Variants in DSCAML1 observed in about 807,000 individuals in gnomAD.
DSCAML1 encodes cell adhesion molecule DSCAML1.
DSCAML1 carries 38 observed loss-of-function variants against 200.5 expected under a neutral mutation model. The observed-to-expected ratio is 0.19, with a 90% CI of 0.15 to 0.25. The LOEUF (loss-of-function observed/expected upper bound fraction) is 0.25. Among genes scored for constraint, DSCAML1 ranks in the 10% least tolerant of loss-of-function variants. The pLI is 1.00. For synonymous variants in DSCAML1, 1,215 were observed against 1,165.0 expected (o/e 1.04, Z -0.87); for missense variants, 2,223 against 2,858.8 (o/e 0.78, Z 5.07).
chr11:117,589,610 T>C (rs1410203982), intron 3 of DSCAML1, among the ~76,000 whole-genome samples: 1 of 152,208 alleles, frequency 6.6e-6, no homozygotes, highest in East Asian at 1.9e-4. Flanking sequence ...CTTATTACAA[T>C]GGCCAGGCTT....
chr11:117,747,588 T>C (rs775713944), intron 3 of DSCAML1, among the ~76,000 whole-genome samples: 4 of 152,086 alleles, frequency 2.6e-5, no homozygotes, highest in Non-Finnish European at 2.9e-5. Flanking sequence ...TCCTCCTGAG[T>C]GACACAAAGG....
chr11:117,552,321 A>T (rs1429480010), intron 3 of DSCAML1, among the ~76,000 whole-genome samples: 2 of 151,626 alleles, frequency 1.3e-5, no homozygotes, highest in Non-Finnish European at 2.9e-5. Flanking sequence ...TCTCCTATGG[A>T]GCAAATAGAA....
rs190398409 is a variant in DSCAML1 at position 117,804,147 on chromosome 11, C to T, written c.-250+13243G>A. On this transcript the variant is annotated intron_variant, in intron 1 of 2. Coordinates refer to the DSCAML1 transcript ENST00000525836. ...CCTGCTGGAGGCCAAAGCCACGGCT[C>T]CTGGGGTGCCCCAGTGGTGAGTGGG... Among the ~76,000 whole-genome samples the T allele has an allele frequency of 2.3e-3, 354 of 152,336 alleles. 1 individual carries two copies. The highest frequency in any genetic ancestry group is 8.0e-3 in the African/African-American group (331 of 41,574).
At position 117,505,817 on chromosome 11, in the gene DSCAML1, C is replaced by T. The variant is rs1592676278; in HGVS notation, c.1784-85G>A. ...GCCGCCTCACCTGCCTTACCTGGGG[C>T]TCTGGGTTGGGCCTTGAACAAAGAT... On this transcript the variant is annotated intron_variant, in intron 8 of 32. Coordinates refer to ENST00000651296, the MANE Select transcript of DSCAML1 (RefSeq NM_020693.4). This position sits in a 1 kb window ranked among gnomAD's most constrained non-coding sequence, Gnocchi z 6.7. 1 of 1,496,990 alleles carries T rather than the reference C, an allele frequency of 6.7e-7. No homozygotes were observed. The highest frequency in any genetic ancestry group is 2.4e-5 in the East Asian group (1 of 42,360). The allele number at this position is 1,496,990 out of a possible 1,614,324, so 92.7% of individuals were successfully genotyped here.
At chr11:117,524,080 C>T (rs2049929958) in intron 5 of DSCAML1, among the ~76,000 whole-genome samples, 3 of 152,170 alleles carry the variant, frequency 2.0e-5, no homozygotes, top group Admixed American at 6.5e-5. Context: ...CTCACAAATC[C>T]GCATCCAGAG....
In DSCAML1 at chr11:117,552,169, C is replaced by G. The variant is rs900233674; in HGVS notation, c.512-19647G>C. Among the ~76,000 whole-genome samples the G allele has an allele frequency of 3.9e-5, 6 of 152,084 alleles. No homozygotes were observed. In the South Asian group the frequency reaches 1.0e-3, roughly 26 times the overall value. On this transcript the variant is annotated intron_variant, in intron 3 of 32. Transcript: ENST00000651296. ...CTGACCCGTAGAGTAAAAACCCTCT[C>G]TGGGAGCTACGTCCCTACTGGGCTG...
chr11:117,493,638 AT>A (rs976667954), intron 11 of DSCAML1, among the ~76,000 whole-genome samples: 1 of 141,914 alleles, frequency 7.0e-6, no homozygotes, highest in South Asian at 2.3e-4. Context: ...TTATTTATTT[AT>A]TTTTTTGAGA....
At position 117,439,413 on chromosome 11, in the gene DSCAML1, G is replaced by T; in HGVS notation, c.3997C>A (p.Pro1333Thr). 1.2e-6 allele frequency: 2 copies of T among 1,613,078 alleles called. No individual in the cohort carries two copies. The highest frequency in any genetic ancestry group is 1.7e-6 in the Non-Finnish European group (2 of 1,179,846). The change falls in exon 23 of 33, where the codon CCA (proline) becomes ACA (threonine). Residue 1333 changes from proline to threonine, a missense_variant. Transcript: ENST00000651296. ...WTKDSEDSAI[P>T]VSMDGHRLIH... is the part of the protein sequence containing the mutation. ...AGCCGGTGCCCATCCATGGACACTGGAATGGCCGAGTCTTCACTGCCAGGG... is the reference window on the plus strand; with the variant it reads ...AGCCGGTGCCCATCCATGGACACTGTAATGGCCGAGTCTTCACTGCCAGGG...
intron 15 of DSCAML1, among the ~76,000 whole-genome samples, chr11:117,470,345 G>A (rs1037334233): frequency 1.3e-5 from 2 of 152,228 alleles, no homozygotes; most frequent in African/African-American, 4.8e-5. Context: ...GGAGGCCAAG[G>A]CGGGCGGATC....
intron 3 of DSCAML1, among the ~76,000 whole-genome samples, chr11:117,762,868 G>A (rs865994580): frequency 6.8e-6 from 1 of 146,656 alleles, no homozygotes; most frequent in Non-Finnish European, 1.5e-5. Flanking sequence ...GTCTCAAATA[G>A]TAATAATAAT....
chr11:117,630,622 C>T (rs1008528390), intron 3 of DSCAML1, among the ~76,000 whole-genome samples: 2 of 139,140 alleles, frequency 1.4e-5, no homozygotes, highest in African/African-American at 2.8e-5. Flanking sequence ...GGTGTAGTCC[C>T]GTCTTACAGA....
chr11:117,431,265 C>G (rs2047786499), intron 31 of DSCAML1, among the ~76,000 whole-genome samples: 3 of 152,230 alleles, frequency 2.0e-5, no homozygotes, highest in Non-Finnish European at 2.9e-5. Context: ...CTGGAACATT[C>G]AGCCCTTTCT....
At chr11:117,667,684 G>A (rs1298639280) in intron 3 of DSCAML1, among the ~76,000 whole-genome samples, 1 of 152,160 alleles carries the variant, frequency 6.6e-6, no homozygotes, top group Non-Finnish European at 1.5e-5. Flanking sequence ...TGCCTCAAAA[G>A]CCACCTCCTG....
At chr11:117,486,156 G>A (rs1255835520) in intron 11 of DSCAML1, among the ~76,000 whole-genome samples, 7 of 152,180 alleles carry the variant, frequency 4.6e-5, no homozygotes, top group Admixed American at 2.6e-4. Context: ...TTCCATCCTC[G>A]CCAGCGCAAG....
chr11:117,683,700 T>C (rs1369569520), intron 3 of DSCAML1, among the ~76,000 whole-genome samples: 2 of 152,214 alleles, frequency 1.3e-5, no homozygotes, highest in East Asian at 3.8e-4. Flanking sequence ...ACTTGAAGGA[T>C]GTGTGACTTT....
At chr11:117,655,353 C>A (rs2052713338) in intron 3 of DSCAML1, among the ~76,000 whole-genome samples, 1 of 152,232 alleles carries the variant, frequency 6.6e-6, no homozygotes, top group African/African-American at 2.4e-5. Context: ...TAATAAATAA[C>A]TTCCACCTTC....
intron 30 of DSCAML1, among the ~76,000 whole-genome samples, chr11:117,432,038 G>A (rs1325805467): frequency 2.0e-5 from 3 of 152,134 alleles, no homozygotes; most frequent in Non-Finnish European, 4.4e-5. Flanking sequence ...TACAGTCCTT[G>A]ATGTGTTCTA....
chr11:117,604,808 C>T (rs544311558), intron 3 of DSCAML1, among the ~76,000 whole-genome samples: 7 of 152,322 alleles, frequency 4.6e-5, no homozygotes, highest in Non-Finnish European at 7.3e-5. Context: ...AAAAAGATCT[C>T]TCCCATGCCG....
chr11:117,458,588 A>T (rs933057159), intron 19 of DSCAML1, among the ~76,000 whole-genome samples, 166 bp downstream of exon 19: 1 of 151,962 alleles, frequency 6.6e-6, no homozygotes, highest in African/African-American at 2.4e-5. Flanking sequence ...CTGCTCACGC[A>T]TGAATCCTAG....
Sources: allele counts gnomAD v4.1 joint callset (sites outside exome capture counted in the v4.1 genomes callset), GRCh38; gene constraint gnomAD v4.1.1; non-coding constraint Gnocchi (gnomAD v3.1); transcripts MANE v1.5; gene names NCBI Gene and HGNC (gene_info 2026-07-23, HGNC 2026-07-21).